The following HMCN2 variants were observed in gnomAD, a reference collection of about 807,000 sequenced individuals.
HMCN2 encodes the protein hemicentin-2.
Under a neutral mutation model 377.5 loss-of-function variants are expected in HMCN2, and 325 were observed. The ratio of observed to expected loss-of-function variants is 0.86; its 90% CI spans 0.79 to 0.94. The LOEUF (loss-of-function observed/expected upper bound fraction) is 0.94, where lower values mean the gene tolerates loss of function less well. HMCN2 is among the 40% of genes least tolerant of loss of function. The pLI, the probability that HMCN2 is intolerant of heterozygous loss-of-function variation, is 0.00. For missense variants in HMCN2, 4,543 were observed against 4,725.3 expected, an observed-to-expected ratio of 0.96 and a Z score of 1.13; for synonymous variants, 2,007 against 2,046.8, an observed-to-expected ratio of 0.98 and a Z score of 0.53.
chr9:130,374,654 G>A lies in HMCN2; in HGVS notation c.7591G>A (p.Val2531Ile). The A allele has an allele frequency of 1.0e-6, 1 of 985,834 alleles. No homozygotes were observed. 61.1% of individuals were successfully genotyped at this position (985,834 alleles called of 1,614,324 possible). A position where few individuals can be genotyped will look rare whatever the true frequency, so the allele number is the denominator to read the frequency against. The change falls in exon 49 of 98, where the codon GTT (valine) becomes ATT (isoleucine). Residue 2531 changes from valine (V) to isoleucine (I), a missense_variant. Physicochemically the swap from Val to Ile is conservative, Grantham distance 29. This residue lies in a region of HMCN2 where 736 missense variants were observed against 773.2 expected (regional missense o/e 0.95). Coordinates refer to ENST00000683500, the MANE Select transcript of HMCN2 (RefSeq NM_001291815.2). ...CTACTCCTGCATTGCAGCCAACGCT[G>A]TTGGGGAGAAGACCAAACACTTCCA... The part of the protein sequence containing the change: ...GHYSCIAANA[V>I]GEKTKHFQLS...
chr9:130,394,855 C>A lies in HMCN2; in HGVS notation c.10693-172C>A, dbSNP rs1022184008. On this transcript the variant is annotated intron_variant, in intron 69 of 97. Coordinates refer to ENST00000683500, the MANE Select transcript of HMCN2 (RefSeq NM_001291815.2). The surrounding 1 kb of genome is among the most constrained non-coding windows in gnomAD (Gnocchi z 5.1). ...GGGAAGAGGCAGGCATCACACCAGC[C>A]CTAAAGCAACAGTGAGATGGAGGGA... Among the ~76,000 whole-genome samples, 1 of 152,120 alleles carries A rather than the reference C, an allele frequency of 6.6e-6. No homozygotes were observed. Among genetic ancestry groups the A allele is most frequent in the East Asian group, 1.9e-4 (1 of 5,190 alleles).
At chr9:130,366,387 A>G (rs980559515) in intron 43 of HMCN2, among the ~76,000 whole-genome samples, 2 of 151,562 alleles carry the variant, frequency 1.3e-5, no homozygotes, top group African/African-American at 2.4e-5. Flanking sequence ...GTGAGGCACC[A>G]TGTTGACCAC....
chr9:130,394,403 ACTCAGGCCAGC>A lies in HMCN2; in HGVS notation c.10523_10533del (p.Ser3508TyrfsTer16). On this transcript the variant is annotated frameshift_variant, in exon 69 of 98. Transcript: ENST00000683500. LOFTEE classifies it high-confidence loss of function. The surrounding 1 kb of genome is among the most constrained non-coding windows in gnomAD (Gnocchi z 5.1). ...CTTGCAGAGCCCCCTCACATTGAGG[ACTCAGGCCAGC>A]CTACAGAGCTGTCGCTGACCCCCGG... 7.8e-7 allele frequency: 1 copy of A among 1,289,570 alleles called. No homozygotes were observed. The highest frequency in any genetic ancestry group is 1.0e-6 in the Non-Finnish European group (1 of 988,752). The allele number at this position is 1,289,570 out of a possible 1,614,324, so 79.9% of individuals were successfully genotyped here. A position where few individuals can be genotyped will look rare whatever the true frequency, so the allele number is the denominator to read the frequency against.
At chr9:130,427,167 G>A in intron 90 of HMCN2, 146 bp from the exon 91 acceptor site, 1 of 813,372 alleles carries the variant, frequency 1.2e-6, no homozygotes, top group Non-Finnish European at 2.0e-6. Flanking sequence ...GCCTGGGCAG[G>A]AAATGGGCTT....
intron 60 of HMCN2, 54 bp downstream of exon 60, chr9:130,385,816 C>G: frequency 8.2e-7 from 1 of 1,226,204 alleles, no homozygotes; most frequent in Non-Finnish European, 1.1e-6. Context: ...AAGTCGCCTC[C>G]CAGCCCTGGC....
At chr9:130,331,007 A>ACACACACAC (rs1838396280) in intron 22 of HMCN2, among the ~76,000 whole-genome samples, 6 of 150,786 alleles carry the variant, frequency 4.0e-5, no homozygotes, top group Admixed American at 2.0e-4. Flanking sequence ...ACACACACAC[A>ACACACACAC]AATAGCCGGA....
chr9:130,272,852 C>A (rs1425671994), intron 1 of HMCN2, among the ~76,000 whole-genome samples: 1 of 152,232 alleles, frequency 6.6e-6, no homozygotes, highest in Admixed American at 6.5e-5. Flanking sequence ...ACCACTGCGC[C>A]TGGCCGAGCA....
chr9:130,339,330 C>T (rs1171687934), intron 23 of HMCN2, among the ~76,000 whole-genome samples: 5 of 152,246 alleles, frequency 3.3e-5, no homozygotes, highest in Non-Finnish European at 7.3e-5. Flanking sequence ...CCTGGCCTCA[C>T]AGCCCAGCAT....
At chr9:130,377,833 C>A in intron 53 of HMCN2, 34 bp downstream of exon 53, 1 of 985,872 alleles carries the variant, frequency 1.0e-6, no homozygotes, top group African/African-American at 1.7e-5. Flanking sequence ...GGTGGGGCGT[C>A]AGCCAGTGTG....
In HMCN2 at chr9:130,375,974, C is replaced by G. The variant is rs548029120; in HGVS notation, c.7903C>G (p.His2635Asp). ...GCTCGGGGAGGCCGTGAAAAACTAC[C>G]ATGTGGAAGTGCTCAGTGAGTCGGG... Reference protein sequence around the residue: ...NELGEAVKNYHVEVLIPPSIS... With the variant: ...NELGEAVKNYDVEVLIPPSIS... The change falls in exon 51 of 98, where the codon CAT (histidine) becomes GAT (aspartate). Residue 2635 changes from histidine (H) to aspartate (D), a missense_variant. His to Asp is a moderately conservative substitution (Grantham distance 81). Coordinates refer to ENST00000683500, the MANE Select transcript of HMCN2 (RefSeq NM_001291815.2). 1.5e-5 allele frequency: 15 copies of G among 985,758 alleles called. 1 individual carries two copies. The South Asian group carries it at 7.0e-4, about 46-fold the overall frequency. The allele number at this position is 985,758 out of a possible 1,614,324, so 61.1% of individuals were successfully genotyped here. A position where few individuals can be genotyped will look rare whatever the true frequency, so the allele number is the denominator to read the frequency against.
chr9:130,385,559 G>GT lies in HMCN2; in HGVS notation c.9108dup (p.Pro3037SerfsTer34), dbSNP rs1564840720. 1.5e-6 allele frequency: 2 copies of GT among 1,303,868 alleles called. No homozygotes were observed. Among genetic ancestry groups the GT allele is most frequent in the Non-Finnish European group, 2.0e-6 (2 of 988,624 alleles). 80.8% of individuals were successfully genotyped at this position (1,303,868 alleles called of 1,614,324 possible). On this transcript the variant is annotated frameshift_variant and splice_region_variant. Coordinates refer to ENST00000683500, the MANE Select transcript of HMCN2 (RefSeq NM_001291815.2). LOFTEE classifies it high-confidence loss of function. ...CTCACTCTGCTATCTCCTGCCCCCA[G>GT]TTCCCCCGGCCTTCAGGCAGGCTCC...
At chr9:130,270,791 C>T (rs1255236552) in intron 1 of HMCN2, among the ~76,000 whole-genome samples, 1 of 148,320 alleles carries the variant, frequency 6.7e-6, no homozygotes, top group South Asian at 2.2e-4. Context: ...TTGCCTAGGC[C>T]GATGTCAAAC....
chr9:130,358,081 C>T (rs946958288), intron 35 of HMCN2, 93 bp downstream of exon 35: 36 of 1,104,660 alleles, frequency 3.3e-5, no homozygotes, highest in Non-Finnish European at 4.3e-5. Context: ...CAAATCCCAG[C>T]AGGCTGGGCA....
At chr9:130,297,996 C>A (rs1427814281) in intron 7 of HMCN2, among the ~76,000 whole-genome samples, 1 of 152,080 alleles carries the variant, frequency 6.6e-6, no homozygotes, top group African/African-American at 2.4e-5. Context: ...ACTCTGTCAC[C>A]CAAGCTGGAG....
intron 15 of HMCN2, among the ~76,000 whole-genome samples, chr9:130,312,726 C>T (rs936099250): frequency 3.9e-4 from 58 of 150,014 alleles, no homozygotes; most frequent in Middle Eastern, 3.4e-3. Context: ...AGTGCCCAGG[C>T]GCAATCTCGG....
Position 130,358,441 on chromosome 9 carries a change from A to C in HMCN2, c.5632A>C (p.Asn1878His). Residue 1878 changes from asparagine (N) to histidine (H), a missense_variant, in exon 36 of 98, where the codon AAC becomes CAC. By Grantham distance (68) the Asn-to-His change is moderately conservative. Around this residue, in one of 5 missense-constraint regions of HMCN2, gnomAD observed 1,032 missense variants for 1,285.1 expected, o/e 0.80. Coordinates refer to ENST00000683500, the MANE Select transcript of HMCN2 (RefSeq NM_001291815.2). Reference sequence around the variant, plus strand: ...GGGCATCTACACTTGTGCTGCTACCAACCTGGCTGGGGAGAGCAAGAGGGA... The same window carrying C: ...GGGCATCTACACTTGTGCTGCTACCCACCTGGCTGGGGAGAGCAAGAGGGA... ...DEGIYTCAATNLAGESKREVA... is the reference protein window; with the variant it reads ...DEGIYTCAATHLAGESKREVA... The C allele has an allele frequency of 7.7e-7, 1 of 1,304,350 alleles. No homozygotes were observed. The highest frequency in any genetic ancestry group is 1.0e-6 in the Non-Finnish European group (1 of 988,950). 80.8% of individuals were successfully genotyped at this position (1,304,350 alleles called of 1,614,324 possible). A position where few individuals can be genotyped will look rare whatever the true frequency, so the allele number is the denominator to read the frequency against.
chr9:130,402,517 T>TAG (rs1262561472), intron 77 of HMCN2, among the ~76,000 whole-genome samples: 1 of 152,190 alleles, frequency 6.6e-6, no homozygotes, highest in African/African-American at 2.4e-5. Context: ...CTAAAGGGTC[T>TAG]AGAGACCATC....
At chr9:130,336,986 C>G (rs896169535) in intron 22 of HMCN2, among the ~76,000 whole-genome samples, 6 of 152,176 alleles carry the variant, frequency 3.9e-5, no homozygotes, top group Non-Finnish European at 8.8e-5. Flanking sequence ...GGTTCTAGAG[C>G]CCAGCCAGTG....
rs1006249343 is a variant in HMCN2 at position 130,379,334 on chromosome 9, G to A, written c.8298G>A (p.Thr2766=). Residue 2766 remains threonine (T), a synonymous_variant, in exon 54 of 98, where the codon ACG becomes ACA. Coordinates refer to ENST00000683500, the MANE Select transcript of HMCN2 (RefSeq NM_001291815.2). ...SREEEARGGV[T]EYREIVENNP... ...AGGAGGAGGCCCGGGGCGGAGTCAC[G>A]GAATACAGGGAGATCGTGGAGAACA... The A allele has an allele frequency of 6.0e-5, 59 of 985,602 alleles. No individual in the cohort carries two copies. The highest frequency in any genetic ancestry group is 5.2e-4 in the Middle Eastern group (1 of 1,936). The allele number at this position is 985,602 out of a possible 1,614,324, so 61.1% of individuals were successfully genotyped here. A position where few individuals can be genotyped will look rare whatever the true frequency, so the allele number is the denominator to read the frequency against.
Sources: gnomAD v4.1 joint callset for allele counts (sites outside exome capture counted in the v4.1 genomes callset) on GRCh38, gnomAD v4.1.1 for gene constraint, gnomAD v4.1.1 regional missense constraint, Gnocchi (gnomAD v3.1) non-coding constraint, MANE v1.5 for transcripts, NCBI Gene and HGNC (gene_info 2026-07-23, HGNC 2026-07-21) for gene names.